KLHL25: variants seen among roughly 807,000 people sequenced by gnomAD.
The protein encoded by KLHL25 is kelch-like protein 25.
Under a neutral mutation model 30.0 loss-of-function variants are expected in KLHL25, and 41 were observed. That is an observed-to-expected ratio of 1.37 (90% CI 1.07 to 1.78). The LOEUF is 1.78. Among genes scored for constraint, KLHL25 ranks in the 40% most tolerant of loss-of-function variants. KLHL25 has a pLI of 0.00. For synonymous variants in KLHL25, 399 were observed against 355.3 expected (o/e 1.12, Z -1.38); for missense variants, 971 against 824.5 (o/e 1.18, Z -2.18).
chr15:85,781,877 G>C (rs950227220), intron 1 of KLHL25, among the ~76,000 whole-genome samples: 3 of 152,032 alleles, frequency 2.0e-5, no homozygotes, highest in African/African-American at 7.3e-5. Flanking sequence ...CTATGCAGGG[G>C]GTCTCCATCC....
At chr15:85,793,215 T>C (rs1472149960) in intron 1 of KLHL25, among the ~76,000 whole-genome samples, 3 of 152,194 alleles carry the variant, frequency 2.0e-5, no homozygotes, top group Non-Finnish European at 4.4e-5. Context: ...CTGCTTCCGA[T>C]GTGGAGCATG....
rs2089575473 is a variant in KLHL25 at position 85,760,603 on chromosome 15, C to A, written c.*433G>T. 1 of 152,276 alleles carries A rather than the reference C, an allele frequency of 6.6e-6. No homozygotes were observed. Among genetic ancestry groups the A allele is most frequent in the Admixed American group, 6.5e-5 (1 of 15,286 alleles). The allele number at this position is 152,276 out of a possible 1,614,324, so 9.4% of individuals were successfully genotyped here. A position where few individuals can be genotyped will look rare whatever the true frequency, so the allele number is the denominator to read the frequency against. On this transcript the variant is annotated 3_prime_UTR_variant, in exon 3 of 3. Transcript: ENST00000337975. ...TCTATAGATGGCAGTAGAGCCCCAG[C>A]AGGGCAGGCCAGGAGGGAAAGGATG...
At position 85,768,313 on chromosome 15, in the gene KLHL25, C is replaced by T. The variant is rs755723360; in HGVS notation, c.1498G>A (p.Asp500Asn). 5 of 1,613,860 alleles carry T rather than the reference C, an allele frequency of 3.1e-6. No homozygotes were observed. Among genetic ancestry groups the T allele is most frequent in the South Asian group, 2.2e-5 (2 of 91,086 alleles). ...LGSQIFIMGG[D>N]TEFTAASAYR... ...GCCGAGGCGGCTGTGAATTCCGTGT[C>T]ACCTCCCATGATGAAGATCTGGCTG... is the stretch of plus-strand genomic sequence containing the variant. The change falls in exon 2 of 3, where the codon GAC (aspartate) becomes AAC (asparagine). Residue 500 changes from aspartate (D) to asparagine (N), a missense_variant. Physicochemically the swap from Asp to Asn is conservative, Grantham distance 23 (BLOSUM62 1). Transcript: ENST00000337975.
chr15:85,782,764 G>A (rs1044990833), intron 1 of KLHL25, among the ~76,000 whole-genome samples: 1 of 152,156 alleles, frequency 6.6e-6, no homozygotes, highest in Non-Finnish European at 1.5e-5. Flanking sequence ...TTGTCTCCTA[G>A]AATGAACGTT....
intron 1 of KLHL25, among the ~76,000 whole-genome samples, chr15:85,784,530 C>CA (rs1567243033): frequency 1.5e-5 from 2 of 130,702 alleles, no homozygotes; most frequent in African/African-American, 2.7e-5. Context: ...AACTCCATCT[C>CA]AAAAAAAATA....
At chr15:85,780,690 A>C (rs1425963536) in intron 1 of KLHL25, among the ~76,000 whole-genome samples, 2 of 152,254 alleles carry the variant, frequency 1.3e-5, no homozygotes, top group African/African-American at 2.4e-5. Flanking sequence ...GTCAACGCTG[A>C]TGCTGAATCA....
intron 1 of KLHL25, among the ~76,000 whole-genome samples, chr15:85,782,127 A>C (rs1221231046): frequency 6.6e-6 from 1 of 152,102 alleles, no homozygotes; most frequent in Non-Finnish European, 1.5e-5. Context: ...GTAGACTGCT[A>C]CACTTGGGCT....
rs116798620 is a variant in KLHL25, at chr15:85,766,138, G to A, written c.*24+1879C>T. Among the ~76,000 whole-genome samples the A allele has an allele frequency of 1.5e-3, 227 of 152,318 alleles. 1 individual carries two copies. Among genetic ancestry groups the A allele is most frequent in the African/African-American group, 5.3e-3 (220 of 41,576 alleles). ...CACTGAGGAAATTAATGTTTAGCTC[G>A]GGCCAGCTCCTGAAAGGGTTCCTAT... On this transcript the variant is annotated intron_variant, in intron 2 of 2. Coordinates refer to ENST00000337975, the MANE Select transcript of KLHL25 (RefSeq NM_022480.4).
intron 1 of KLHL25, among the ~76,000 whole-genome samples, chr15:85,794,276 G>A (rs1351899100): frequency 1.3e-5 from 2 of 152,216 alleles, no homozygotes; most frequent in African/African-American, 4.8e-5. Flanking sequence ...TCCGCGGCCA[G>A]GCCCGCGCAA....
intron 1 of KLHL25, among the ~76,000 whole-genome samples, chr15:85,778,566 G>T (rs1330304234): frequency 2.6e-5 from 4 of 152,298 alleles, no homozygotes; most frequent in East Asian, 1.9e-4. Context: ...TAGGCAATTT[G>T]CCCAAAGCTA....
rs1284523741 is a variant in KLHL25, at chr15:85,769,825, TG to T, written c.-10-6del. ...CTGACCGACATGGTGCGTCAGCTTG[TG>T]GGGGAACAAGCCCACAGGTTAGAGG... On this transcript the variant is annotated splice_polypyrimidine_tract_variant and splice_region_variant and intron_variant, in intron 1 of 2. Transcript: ENST00000337975. 1 of 1,595,800 alleles carries T rather than the reference TG, an allele frequency of 6.3e-7. No homozygotes were observed. The highest frequency in any genetic ancestry group is 8.5e-7 in the Non-Finnish European group (1 of 1,172,928).
intron 1 of KLHL25, among the ~76,000 whole-genome samples, chr15:85,787,312 G>A (rs374878158): frequency 3.3e-5 from 5 of 152,152 alleles, no homozygotes; most frequent in East Asian, 3.9e-4. Context: ...TGGGCGTGGT[G>A]GCGCTTGCCT....
chr15:85,783,786 C>T (rs547832201), intron 1 of KLHL25, among the ~76,000 whole-genome samples: 3 of 152,042 alleles, frequency 2.0e-5, no homozygotes, highest in East Asian at 1.9e-4. Context: ...TCATACAAAG[C>T]GAATTGCAGA....
chr15:85,769,590 A>G lies in KLHL25; in HGVS notation c.221T>C (p.Met74Thr), dbSNP rs748260357. The G allele has an allele frequency of 3.1e-6, 5 of 1,613,688 alleles. No homozygotes were observed. Among genetic ancestry groups the G allele is most frequent in the African/African-American group, 2.7e-5 (2 of 74,950 alleles). ...LAASSRYFEAMFSHGLRESRD... is the reference protein window; with the variant it reads ...LAASSRYFEATFSHGLRESRD... ...GCTCTCCCGAAGGCCATGGCTGAAC[A>G]TGGCCTCAAAATAGCGGCTAGAGGC... Residue 74 changes from methionine to threonine, a missense_variant, in exon 2 of 3, where the codon ATG (methionine) becomes ACG (threonine). Physicochemically the swap from Met to Thr is moderately conservative, Grantham distance 81. Coordinates refer to ENST00000337975, the MANE Select transcript of KLHL25 (RefSeq NM_022480.4).
At position 85,768,212 on chromosome 15, in the gene KLHL25, G is replaced by A; in HGVS notation, c.1599C>T (p.Ala533=). The A allele has an allele frequency of 1.2e-6, 2 of 1,614,198 alleles. No homozygotes were observed. The highest frequency in any genetic ancestry group is 2.7e-5 in the African/African-American group (2 of 75,046). The change falls in exon 2 of 3, where the codon GCC becomes GCT. Residue 533 remains alanine, a synonymous_variant. Transcript: ENST00000337975. The part of the protein sequence containing the change: ...DMTAKRMSCH[A]LASGNKLYVV... ...CATAGAGCTTGTTGCCGGAAGCCAG[G>A]GCATGGCAGGACATGCGCTTGGCAG...
chr15:85,770,834 G>A (rs2089666323), intron 1 of KLHL25, among the ~76,000 whole-genome samples: 1 of 152,194 alleles, frequency 6.6e-6, no homozygotes, highest in Admixed American at 6.5e-5. Flanking sequence ...GAGTGATGGA[G>A]TGATGGCCAA....
rs948054176 is a variant in KLHL25, at chr15:85,769,555, T to C, written c.256A>G (p.Thr86Ala). 3.1e-6 allele frequency: 5 copies of C among 1,613,824 alleles called. No individual in the cohort carries two copies. Among genetic ancestry groups the C allele is most frequent in the Non-Finnish European group, 4.2e-6 (5 of 1,180,028 alleles). Residue 86 changes from threonine to alanine, a missense_variant, in exon 2 of 3, where the codon ACT becomes GCT. Physicochemically the swap from Thr to Ala is moderately conservative, Grantham distance 58. Coordinates refer to ENST00000337975, the MANE Select transcript of KLHL25 (RefSeq NM_022480.4). ...TGCAGGTTGTCCTGGAAGTTGACAG[T>C]GTCATCCCGGCTCTCCCGAAGGCCA... is the stretch of plus-strand genomic sequence containing the variant. Reference protein sequence around the residue: ...SHGLRESRDDTVNFQDNLHPE... With the variant: ...SHGLRESRDDAVNFQDNLHPE...
chr15:85,769,842 A>T, intron 1 of KLHL25, 22 bp from the exon 2 acceptor site: 1 of 1,571,620 alleles, frequency 6.4e-7, no homozygotes, highest in Non-Finnish European at 8.6e-7. Context: ...ACAAGCCCAC[A>T]GGTTAGAGGA....
chr15:85,774,401 A>G (rs1184169200), intron 1 of KLHL25, among the ~76,000 whole-genome samples: 1 of 152,172 alleles, frequency 6.6e-6, no homozygotes, highest in Admixed American at 6.5e-5. Context: ...GCTAAAATGT[A>G]CCGGGTAACA....
Sources: allele counts gnomAD v4.1 joint callset (sites outside exome capture counted in the v4.1 genomes callset), GRCh38; gene constraint gnomAD v4.1.1; transcripts MANE v1.5; gene names NCBI Gene and HGNC (gene_info 2026-07-23, HGNC 2026-07-21).